The following ZNF618 variants were observed in gnomAD, a reference collection of about 807,000 sequenced individuals.
ZNF618 encodes the protein zinc finger protein 618, also known as neural precursor cell expressed, developmentally down-regulated 10.
In ZNF618, 34 loss-of-function variants were observed where a neutral mutation model predicts 103.0. That is an observed-to-expected ratio of 0.33 (90% CI 0.25 to 0.44). The LOEUF is 0.44. Among genes scored for constraint, ZNF618 ranks in the 20% least tolerant of loss-of-function variants. The probability of loss-of-function intolerance (pLI) is 1.00; values close to 1 mark genes in which losing one functional copy is unlikely to be tolerated. For missense variants in ZNF618, 1,059 were observed against 1,295.4 expected, an observed-to-expected ratio of 0.82 and a Z score of 2.80; for synonymous variants, 551 against 542.2, an observed-to-expected ratio of 1.02 and a Z score of -0.23.
intron 3 of ZNF618, among the ~76,000 whole-genome samples, chr9:113,995,570 A>G (rs571154338): frequency 6.6e-6 from 1 of 152,148 alleles, no homozygotes; most frequent in Non-Finnish European, 1.5e-5. Flanking sequence ...CTGGCAGTGG[A>G]TAGAGTTTTG....
chr9:114,008,533 C>A lies in ZNF618; in HGVS notation c.733C>A (p.Pro245Thr). The A allele has an allele frequency of 6.2e-7, 1 of 1,613,964 alleles. No individual in the cohort carries two copies. Among genetic ancestry groups the A allele is most frequent in the Non-Finnish European group, 8.5e-7 (1 of 1,179,872 alleles). Residue 245 changes from proline (P) to threonine (T), a missense_variant, in exon 9 of 15, where the codon CCA becomes ACA. This residue lies in a region of ZNF618 where 434 missense variants were observed against 476.0 expected (regional missense o/e 0.91). Coordinates refer to ENST00000374126, the MANE Select transcript of ZNF618 (RefSeq NM_001318042.2). The part of the protein sequence containing the change: ...TDEVKEEPPE[P>T]FQKIGPKTGN... ...CGAGGTGAAGGAGGAGCCCCCGGAG[C>A]CATTCCAGAAAATCGGGCCAAGTAT...
intron 12 of ZNF618, among the ~76,000 whole-genome samples, chr9:114,033,813 T>C (rs1361671817): frequency 1.3e-5 from 2 of 151,158 alleles, no homozygotes; most frequent in Admixed American, 6.6e-5. Flanking sequence ...CACTACATAT[T>C]AGGTGTCAGC....
At chr9:113,978,166 G>C (rs915963679) in intron 2 of ZNF618, among the ~76,000 whole-genome samples, 4 of 152,190 alleles carry the variant, frequency 2.6e-5, no homozygotes, top group African/African-American at 9.6e-5. Context: ...ATCATTTTGA[G>C]GGTTATTAAG....
At chr9:113,933,292 C>T (rs924488059) in intron 1 of ZNF618, among the ~76,000 whole-genome samples, 3 of 152,202 alleles carry the variant, frequency 2.0e-5, no homozygotes, top group African/African-American at 7.2e-5. Context: ...GGGCATGTTC[C>T]CTAGTGCTGA....
chr9:113,971,508 C>T (rs1309422911), intron 2 of ZNF618, among the ~76,000 whole-genome samples: 1 of 152,166 alleles, frequency 6.6e-6, no homozygotes, highest in African/African-American at 2.4e-5. Flanking sequence ...TTCACCCAGC[C>T]AGACATTCTA....
intron 7 of ZNF618, 143 bp from the exon 8 acceptor site, chr9:114,008,201 G>C: frequency 8.9e-7 from 1 of 1,119,088 alleles, no homozygotes; most frequent in Non-Finnish European, 1.3e-6. Context: ...TTCCACAGTG[G>C]CCACGGCAGC....
Position 114,049,962 on chromosome 9 carries a change from CT to C in ZNF618, c.2661del (p.Asp888IlefsTer36). Reference sequence around the variant, plus strand: ...CAGGAGCCCCTCTTCCAGGCTACCCCTGATCTCTTCCAGTACTGGTCGTGCG... The same window carrying C: ...CAGGAGCCCCTCTTCCAGGCTACCCCGATCTCTTCCAGTACTGGTCGTGCG... ...YLQEPLFQATPDLFQYWSCVT... is the reference protein window; with the variant it reads ...YLQEPLFQATXDLFQYWSCVT... On this transcript the variant is annotated frameshift_variant, in exon 15 of 15. Coordinates refer to ENST00000374126, the MANE Select transcript of ZNF618 (RefSeq NM_001318042.2). LOFTEE classifies it high-confidence loss of function. 3 of 1,614,024 alleles carry C rather than the reference CT, an allele frequency of 1.9e-6. No individual in the cohort carries two copies. The highest frequency in any genetic ancestry group is 2.5e-6 in the Non-Finnish European group (3 of 1,179,904).
At chr9:113,880,986 A>G (rs1055483486) in intron 1 of ZNF618, among the ~76,000 whole-genome samples, 7 of 152,228 alleles carry the variant, frequency 4.6e-5, no homozygotes, top group Non-Finnish European at 1.0e-4. Flanking sequence ...CAAGGGCCAC[A>G]TATGAAGAAA....
At chr9:113,993,352 C>T (rs143054799) in intron 3 of ZNF618, among the ~76,000 whole-genome samples, 6 of 152,366 alleles carry the variant, frequency 3.9e-5, no homozygotes, top group African/African-American at 1.4e-4. Context: ...CAGAATCCTT[C>T]TCAACACAGT....
chr9:114,048,968 C>G lies in ZNF618; in HGVS notation c.1666C>G (p.Gln556Glu). The change falls in exon 15 of 15, where the codon CAG becomes GAG. Residue 556 changes from glutamine (Q) to glutamate (E), a missense_variant. Transcript: ENST00000374126. ...CLGIGVTCHSQSVGPDSCYIL... is the reference protein window; with the variant it reads ...CLGIGVTCHSESVGPDSCYIL... The stretch of plus-strand genomic sequence containing the variant: ...AGGCATCGGTGTCACCTGCCACTCC[C>G]AGAGTGTTGGCCCTGACTCCTGCTA... 6.2e-7 allele frequency: 1 copy of G among 1,612,654 alleles called. No individual in the cohort carries two copies. The highest frequency in any genetic ancestry group is 8.5e-7 in the Non-Finnish European group (1 of 1,179,286).
chr9:113,937,381 T>C (rs1365843970), intron 1 of ZNF618, among the ~76,000 whole-genome samples: 1 of 152,244 alleles, frequency 6.6e-6, no homozygotes, highest in Non-Finnish European at 1.5e-5. Context: ...GACATTTACG[T>C]ATATAACCAC....
intron 2 of ZNF618, among the ~76,000 whole-genome samples, chr9:113,971,573 G>T (rs973077514): frequency 6.6e-6 from 1 of 152,274 alleles, no homozygotes; most frequent in Admixed American, 6.5e-5. Context: ...AAGAGACAAA[G>T]CACCACCCAC....
chr9:114,045,895 CTTAT>C (rs1470095188), intron 13 of ZNF618, among the ~76,000 whole-genome samples: 1 of 151,616 alleles, frequency 6.6e-6, no homozygotes, highest in Non-Finnish European at 1.5e-5. Flanking sequence ...TTACTTAGGT[CTTAT>C]TTGAGTTCTT....
intron 1 of ZNF618, among the ~76,000 whole-genome samples, chr9:113,939,780 C>T (rs188614166): frequency 6.6e-6 from 1 of 152,154 alleles, no homozygotes; most frequent in Non-Finnish European, 1.5e-5. Flanking sequence ...CTCTTTCCCT[C>T]CTTCCCTCCC....
Position 114,028,878 on chromosome 9 carries a change from A to G in ZNF618, c.990A>G (p.Arg330=). The stretch of plus-strand genomic sequence containing the variant: ...AAAAAGCTCCGGCCTCCGTGGTCCG[A>G]TGTGCCACCCTCTTACACCGCACCC... The part of the protein sequence containing the change: ...SGKKAPASVV[R]CATLLHRTPP... Residue 330 remains arginine (R), a synonymous_variant, in exon 11 of 15, where the codon CGA becomes CGG. Transcript: ENST00000374126. 6.4e-7 allele frequency: 1 copy of G among 1,550,608 alleles called. No individual in the cohort carries two copies. The highest frequency in any genetic ancestry group is 1.2e-5 in the South Asian group (1 of 84,056).
chr9:113,951,347 T>C (rs1835549098), intron 1 of ZNF618, among the ~76,000 whole-genome samples: 1 of 122,958 alleles, frequency 8.1e-6, no homozygotes, highest in South Asian at 3.0e-4. Context: ...AAACAATATT[T>C]GTGAATAGGG....
chr9:113,986,238 G>T (rs1331287975), intron 2 of ZNF618, among the ~76,000 whole-genome samples: 3 of 152,182 alleles, frequency 2.0e-5, no homozygotes, highest in Non-Finnish European at 2.9e-5. Flanking sequence ...CGAAACCAAG[G>T]CTCAGAGGTT....
At chr9:113,991,166 AG>A (rs2133364211) in intron 3 of ZNF618, among the ~76,000 whole-genome samples, 1 of 152,284 alleles carries the variant, frequency 6.6e-6, no homozygotes, top group South Asian at 2.1e-4. Flanking sequence ...GCACAGTGAG[AG>A]CCCCAGGACC....
chr9:113,879,657 T>C (rs1418131012), intron 1 of ZNF618, among the ~76,000 whole-genome samples: 2 of 152,088 alleles, frequency 1.3e-5, no homozygotes, highest in Non-Finnish European at 2.9e-5. Flanking sequence ...GCAAAATATC[T>C]GGCAAATTGG....
Sources: gnomAD v4.1 joint callset for allele counts (sites outside exome capture counted in the v4.1 genomes callset) on GRCh38, gnomAD v4.1.1 for gene constraint, gnomAD v4.1.1 regional missense constraint, MANE v1.5 for transcripts, NCBI Gene and HGNC (gene_info 2026-07-23, HGNC 2026-07-21) for gene names.